Variants in HAT1 observed in about 807,000 individuals in gnomAD.
HAT1 encodes the protein histone acetyltransferase 1.
In HAT1, 20 loss-of-function variants were observed where a neutral mutation model predicts 56.6. That is an observed-to-expected ratio of 0.35 (90% CI 0.25 to 0.51). HAT1 has a LOEUF of 0.51. Ranked by LOEUF, HAT1 falls within the 20% of genes least tolerant of loss-of-function variation. The probability of loss-of-function intolerance (pLI) is 0.95; values close to 1 mark genes in which losing one functional copy is unlikely to be tolerated. For synonymous variants in HAT1, 146 were observed against 165.5 expected (o/e 0.88, Z 0.91); for missense variants, 408 against 504.3 (o/e 0.81, Z 1.83).
chr2:171,941,543 C>T (rs1012369230), intron 2 of HAT1, among the ~76,000 whole-genome samples: 1 of 152,192 alleles, frequency 6.6e-6, no homozygotes, highest in Non-Finnish European at 1.5e-5. Context: ...GTGCTAGTAT[C>T]ACTGCCTCAG....
chr2:171,935,650 G>T (rs1686856387), intron 2 of HAT1, among the ~76,000 whole-genome samples: 1 of 152,076 alleles, frequency 6.6e-6, no homozygotes, highest in South Asian at 2.1e-4. Context: ...GCCCAGGCAG[G>T]ATGATCACTT....
chr2:171,934,610 G>A (rs1402538706), intron 2 of HAT1, among the ~76,000 whole-genome samples: 3 of 152,182 alleles, frequency 2.0e-5, no homozygotes, highest in South Asian at 4.1e-4. Context: ...GGAGGAGTGA[G>A]TAGACTTGAG....
At chr2:171,931,673 C>T (rs770630714) in intron 2 of HAT1, among the ~76,000 whole-genome samples, 2 of 151,834 alleles carry the variant, frequency 1.3e-5, no homozygotes, top group East Asian at 1.9e-4. Context: ...GACTGTGTCT[C>T]GGGGGGGAAA....
intron 1 of HAT1, chr2:171,924,685 AAG>A (rs1462608149): frequency 2.0e-5 from 3 of 152,228 alleles, no homozygotes; most frequent in Non-Finnish European, 4.4e-5. Flanking sequence ...ATACAGTGGA[AAG>A]ATGTTTTCTT....
intron 8 of HAT1, among the ~76,000 whole-genome samples, chr2:171,970,966 C>T (rs527553231): frequency 2.0e-4 from 30 of 151,824 alleles, no homozygotes; most frequent in South Asian, 8.3e-4. Flanking sequence ...TTTGGGAGGC[C>T]GAGGCGGGCA....
At chr2:171,940,883 T>C (rs1031399030) in intron 2 of HAT1, among the ~76,000 whole-genome samples, 1 of 152,190 alleles carries the variant, frequency 6.6e-6, no homozygotes, top group Non-Finnish European at 1.5e-5. Context: ...TGTCTCATCA[T>C]TGGGTCTTTC....
At chr2:171,955,828 C>T (rs1220441977) in intron 4 of HAT1, among the ~76,000 whole-genome samples, 3 of 151,476 alleles carry the variant, frequency 2.0e-5, no homozygotes, top group African/African-American at 7.3e-5. Flanking sequence ...AGGTGGATCA[C>T]GAGGTCAGGA....
chr2:171,972,223 T>G lies in HAT1; in HGVS notation c.824-3934T>G, dbSNP rs370944008. ...CCAGGGTTTTTCTTTTGTTTTTTTT[T>G]TTTGTTTGTTTGTTTTTGTTGTTTT... On this transcript the variant is annotated intron_variant, in intron 8 of 10. Transcript: ENST00000264108. Among the ~76,000 whole-genome samples, 921 of 151,994 alleles carry G rather than the reference T, an allele frequency of 6.1e-3. 6 individuals are homozygous for G. Among genetic ancestry groups the G allele is most frequent in the African/African-American group, 0.017 (697 of 41,478 alleles).
chr2:171,959,585 T>C (rs1369061216), intron 4 of HAT1, among the ~76,000 whole-genome samples: 3 of 152,232 alleles, frequency 2.0e-5, no homozygotes, highest in African/African-American at 7.2e-5. Context: ...TCAAAGATCA[T>C]TTATATTGCG....
At chr2:171,965,639 A>C in intron 5 of HAT1, 122 bp downstream of exon 5, 2 of 974,946 alleles carry the variant, frequency 2.1e-6, no homozygotes, top group Non-Finnish European at 3.1e-6. Flanking sequence ...TTATAAACCA[A>C]GATCTATTTT....
At chr2:171,952,767 G>T in intron 3 of HAT1, 114 bp from the exon 4 acceptor site, 1 of 517,028 alleles carries the variant, frequency 1.9e-6, no homozygotes, top group Non-Finnish European at 3.3e-6. Flanking sequence ...TTTTTTTTAA[G>T]TATAGTTTAA....
At chr2:171,948,516 G>T (rs988060592) in intron 3 of HAT1, among the ~76,000 whole-genome samples, 5 of 152,100 alleles carry the variant, frequency 3.3e-5, no homozygotes, top group Non-Finnish European at 5.9e-5. Context: ...GAGCTACCAT[G>T]CCCGGCCTGA....
intron 8 of HAT1, among the ~76,000 whole-genome samples, chr2:171,967,761 A>C (rs1403409073): frequency 6.6e-6 from 1 of 152,110 alleles, no homozygotes; most frequent in Non-Finnish European, 1.5e-5. Context: ...TTGGTATTAA[A>C]ATTTATTAAT....
At chr2:171,945,432 T>C (rs1401478267) in intron 2 of HAT1, among the ~76,000 whole-genome samples, 1 of 151,870 alleles carries the variant, frequency 6.6e-6, no homozygotes, top group Non-Finnish European at 1.5e-5. Flanking sequence ...TATAAACTGC[T>C]TGTGGGTGTA....
rs114862158 is a variant in HAT1 at position 171,973,914 on chromosome 2, T to C, written c.824-2243T>C. Reference sequence around the variant, plus strand: ...AATGTCTTGGGCCAGGCTTGGTGGCTTGCACCTGTAATCCCAGCACATTGG... The same window carrying C: ...AATGTCTTGGGCCAGGCTTGGTGGCCTGCACCTGTAATCCCAGCACATTGG... On this transcript the variant is annotated intron_variant, in intron 8 of 10. Coordinates refer to ENST00000264108, the MANE Select transcript of HAT1 (RefSeq NM_003642.4). 2.6e-3 allele frequency among the ~76,000 whole-genome samples: 400 copies of C among 152,206 alleles called. 2 individuals carry two copies. Among genetic ancestry groups the C allele is most frequent in the African/African-American group, 9.1e-3 (379 of 41,520 alleles).
At chr2:171,970,770 G>T (rs1323822476) in intron 8 of HAT1, among the ~76,000 whole-genome samples, 5 of 150,186 alleles carry the variant, frequency 3.3e-5, no homozygotes, top group Non-Finnish European at 5.9e-5. Context: ...CTCCGGCCTC[G>T]GCCTCCCCAA....
At chr2:171,948,825 T>G (rs1168518064) in intron 3 of HAT1, among the ~76,000 whole-genome samples, 1 of 152,224 alleles carries the variant, frequency 6.6e-6, no homozygotes, top group Admixed American at 6.5e-5. Context: ...ATTACAGAAA[T>G]GGTATTGTGT....
intron 9 of HAT1, among the ~76,000 whole-genome samples, chr2:171,977,461 TAA>T (rs369071500): frequency 5.5e-5 from 6 of 108,566 alleles, no homozygotes; most frequent in Admixed American, 3.1e-4. Flanking sequence ...GACTTCATCT[TAA>T]AAAAAAAAAA....
At chr2:171,932,053 T>C (rs1324800114) in intron 2 of HAT1, among the ~76,000 whole-genome samples, 1 of 152,208 alleles carries the variant, frequency 6.6e-6, no homozygotes, top group Non-Finnish European at 1.5e-5. Flanking sequence ...TTCTAATGCT[T>C]TTTCTTTATC....
Sources: allele counts gnomAD v4.1 joint callset (sites outside exome capture counted in the v4.1 genomes callset), GRCh38; gene constraint gnomAD v4.1.1; transcripts MANE v1.5; gene names NCBI Gene and HGNC (gene_info 2026-07-23, HGNC 2026-07-21).